Variants in PLCB4 observed in about 807,000 individuals in gnomAD.
PLCB4 encodes the protein 1-phosphatidylinositol 4,5-bisphosphate phosphodiesterase beta-4.
PLCB4 carries 77 observed loss-of-function variants against 178.8 expected under a neutral mutation model. The observed-to-expected ratio is 0.43, with a 90% CI of 0.36 to 0.52. PLCB4 has a LOEUF of 0.52. Ranked by LOEUF, PLCB4 falls within the 20% of genes least tolerant of loss-of-function variation. The pLI, the probability that PLCB4 is intolerant of heterozygous loss-of-function variation, is 0.00. For missense variants in PLCB4, 1,024 were observed against 1,453.4 expected, an observed-to-expected ratio of 0.70 and a Z score of 4.80; for synonymous variants, 496 against 490.8, an observed-to-expected ratio of 1.01 and a Z score of -0.14.
rs185276809 is a variant in PLCB4 at position 9,105,611 on chromosome 20, G to A, written c.-79+9269G>A. 1.1e-4 allele frequency among the ~76,000 whole-genome samples: 16 copies of A among 152,030 alleles called. No homozygotes were observed. In the East Asian group the frequency reaches 2.3e-3, roughly 22 times the overall value. ...TGATTGAACAATGGTATTGATACAG[G>A]GATACATCAATGAGTAAAATATTAA... On this transcript the variant is annotated intron_variant, in intron 2 of 39. Coordinates refer to ENST00000378473, the MANE Select transcript of PLCB4 (RefSeq NM_001377142.1).
chr20:9,209,063 A>C (rs1363009284), intron 2 of PLCB4, among the ~76,000 whole-genome samples: 1 of 152,120 alleles, frequency 6.6e-6, no homozygotes, highest in Non-Finnish European at 1.5e-5. Context: ...CTAGGTACTG[A>C]GTGTGTGTTT....
intron 13 of PLCB4, among the ~76,000 whole-genome samples, chr20:9,380,433 A>G (rs1263453357): frequency 1.3e-5 from 2 of 152,186 alleles, no homozygotes; most frequent in Non-Finnish European, 2.9e-5. Context: ...AGATTTTAGT[A>G]TTGCATATTG....
At chr20:9,135,369 C>T (rs2092361368) in intron 2 of PLCB4, among the ~76,000 whole-genome samples, 1 of 152,048 alleles carries the variant, frequency 6.6e-6, no homozygotes, top group Non-Finnish European at 1.5e-5. Flanking sequence ...TTATTGAATT[C>T]ATCGGTTGAT....
chr20:9,224,405 A>G (rs186126151), intron 3 of PLCB4, among the ~76,000 whole-genome samples: 1 of 152,120 alleles, frequency 6.6e-6, no homozygotes, highest in Admixed American at 6.5e-5. Context: ...CCCTCTGTTT[A>G]TTTTTCATTA....
intron 2 of PLCB4, among the ~76,000 whole-genome samples, chr20:9,124,435 T>G (rs1183751803): frequency 6.6e-6 from 1 of 152,182 alleles, no homozygotes; most frequent in East Asian, 1.9e-4. Flanking sequence ...AGTTCAGAGC[T>G]GCAGTGAGGT....
intron 2 of PLCB4, among the ~76,000 whole-genome samples, chr20:9,137,902 T>A (rs776453693): frequency 6.6e-6 from 1 of 152,124 alleles, no homozygotes; most frequent in South Asian, 2.1e-4. Flanking sequence ...ATGAATGATA[T>A]TTGATCATTG....
rs1057502392 is a variant in PLCB4, at chr20:9,297,182, T to A, written c.-15-10618T>A. Among the ~76,000 whole-genome samples, 8 of 152,108 alleles carry A rather than the reference T, an allele frequency of 5.3e-5. 1 individual carries two copies. The highest frequency in any genetic ancestry group is 3.4e-3 in the Middle Eastern group (1 of 292). On this transcript the variant is annotated intron_variant, in intron 3 of 39. Transcript: ENST00000378473. ...ACCCCCCCCCACACCATATATATAT[T>A]TTTTTGCTAAAGGTTGATATATCTT...
intron 33 of PLCB4, among the ~76,000 whole-genome samples, chr20:9,454,387 C>A (rs1323578371): frequency 6.6e-6 from 1 of 152,028 alleles, no homozygotes; most frequent in East Asian, 1.9e-4. Context: ...TCCATGAGAC[C>A]ACGCATACAT....
intron 3 of PLCB4, among the ~76,000 whole-genome samples, chr20:9,292,251 G>A (rs1368197349): frequency 1.3e-5 from 2 of 152,096 alleles, no homozygotes; most frequent in Non-Finnish European, 2.9e-5. Flanking sequence ...CAATAATAAG[G>A]CAAAATCAGG....
chr20:9,339,102 A>G, intron 7 of PLCB4, 65 bp downstream of exon 7: 3 of 1,192,242 alleles, frequency 2.5e-6, no homozygotes, highest in Non-Finnish European at 3.6e-6. Context: ...GTTTAATTTT[A>G]TGCGTGCTAT....
chr20:9,203,922 C>T (rs1452836986), intron 2 of PLCB4, among the ~76,000 whole-genome samples: 1 of 150,792 alleles, frequency 6.6e-6, no homozygotes, highest in African/African-American at 2.4e-5. Context: ...TTTTACTTTT[C>T]AGAGTCCCAA....
Position 9,327,931 on chromosome 20 carries a change from TCTAACCAC to T in PLCB4, c.85-9194_85-9187del, listed in dbSNP as rs1313042436. On this transcript the variant is annotated intron_variant, in intron 4 of 39. Transcript: ENST00000378473. The stretch of plus-strand genomic sequence containing the variant: ...GTTTTTAGAGATGAAGAAATGAATA[TCTAACCAC>T]ATTTGGATCAGGTTCATCTAAAACC... 2.0e-5 allele frequency among the ~76,000 whole-genome samples: 3 copies of T among 152,200 alleles called. No homozygotes were observed. The East Asian group carries it at 5.8e-4, about 29-fold the overall frequency.
At chr20:9,452,664 A>G (rs752510455) in intron 32 of PLCB4, among the ~76,000 whole-genome samples, 2 of 152,196 alleles carry the variant, frequency 1.3e-5, no homozygotes, top group Non-Finnish European at 2.9e-5. Context: ...TGCAGCCCCA[A>G]TTTCAATGGT....
chr20:9,187,182 C>A (rs2147118701), intron 2 of PLCB4, among the ~76,000 whole-genome samples: 1 of 152,010 alleles, frequency 6.6e-6, no homozygotes, highest in South Asian at 2.1e-4. Flanking sequence ...ACCATGTCTG[C>A]CAGGCTGGTC....
At chr20:9,228,033 A>G (rs577587813) in intron 3 of PLCB4, among the ~76,000 whole-genome samples, 2 of 152,282 alleles carry the variant, frequency 1.3e-5, no homozygotes, top group East Asian at 1.9e-4. Context: ...GATGAGAACT[A>G]CATCAGTGGT....
At chr20:9,265,502 A>G (rs886892479) in intron 3 of PLCB4, among the ~76,000 whole-genome samples, 2 of 152,066 alleles carry the variant, frequency 1.3e-5, no homozygotes, top group African/African-American at 4.8e-5. Context: ...ACAAAAAACA[A>G]AACAAAAACA....
At chr20:9,360,763 A>G (rs1467448821) in intron 7 of PLCB4, among the ~76,000 whole-genome samples, 1 of 152,226 alleles carries the variant, frequency 6.6e-6, no homozygotes, top group African/African-American at 2.4e-5. Flanking sequence ...TCATTTCTTC[A>G]TCTTCCTTCA....
chr20:9,206,075 T>C (rs1373733971), intron 2 of PLCB4, among the ~76,000 whole-genome samples: 1 of 152,174 alleles, frequency 6.6e-6, no homozygotes, highest in African/African-American at 2.4e-5. Flanking sequence ...ACAGCATTGG[T>C]TTAAGGGAAT....
At chr20:9,437,475 G>A (rs1340671081) in intron 30 of PLCB4, among the ~76,000 whole-genome samples, 2 of 152,326 alleles carry the variant, frequency 1.3e-5, no homozygotes, top group Middle Eastern at 3.4e-3. Context: ...CCAATTCCAT[G>A]TGCTTACCTG....
Sources: allele counts gnomAD v4.1 joint callset (sites outside exome capture counted in the v4.1 genomes callset), GRCh38; gene constraint gnomAD v4.1.1; transcripts MANE v1.5; gene names NCBI Gene and HGNC (gene_info 2026-07-23, HGNC 2026-07-21).